The following PLPPR5 variants were observed in gnomAD, a reference collection of about 807,000 sequenced individuals.
The protein encoded by PLPPR5 is phospholipid phosphatase related 5.
A neutral mutation model predicts 33.9 loss-of-function variants in PLPPR5; 16 were observed. The observed-to-expected ratio is 0.47, with a 90% CI of 0.32 to 0.72. PLPPR5 has a LOEUF of 0.72. Among genes scored for constraint, PLPPR5 ranks in the 30% least tolerant of loss-of-function variants. The probability of loss-of-function intolerance (pLI) is 0.03; values close to 1 mark genes in which losing one functional copy is unlikely to be tolerated. For synonymous variants in PLPPR5, 163 were observed against 150.3 expected (o/e 1.08, Z -0.62); for missense variants, 301 against 406.7 (o/e 0.74, Z 2.23).
chr1:98,954,968 G>GT (rs5776445), intron 2 of PLPPR5, among the ~76,000 whole-genome samples: 108,397 of 151,898 alleles, frequency 0.71, 39,865 homozygotes, highest in East Asian at 0.95. Context: ...TCCCAAATGT[G>GT]TTTGGAATTA....
chr1:98,989,844 T>C (rs550238472), intron 1 of PLPPR5, among the ~76,000 whole-genome samples: 4 of 152,180 alleles, frequency 2.6e-5, no homozygotes, highest in Non-Finnish European at 5.9e-5. Flanking sequence ...CTTTTATGTC[T>C]ATATAACCAG....
intron 3 of PLPPR5, among the ~76,000 whole-genome samples, chr1:98,930,761 T>C (rs1253229795): frequency 6.6e-6 from 1 of 152,142 alleles, no homozygotes; most frequent in East Asian, 1.9e-4. Context: ...GGGAGAAATT[T>C]TCCAGGTTGG....
At chr1:98,992,124 T>C (rs1308338420) in intron 1 of PLPPR5, among the ~76,000 whole-genome samples, 2 of 152,164 alleles carry the variant, frequency 1.3e-5, no homozygotes, top group African/African-American at 2.4e-5. Flanking sequence ...AGAGATAGTA[T>C]TGGAGCTGTC....
At chr1:98,987,361 A>T (rs916825808) in intron 1 of PLPPR5, among the ~76,000 whole-genome samples, 4 of 151,986 alleles carry the variant, frequency 2.6e-5, no homozygotes, top group African/African-American at 9.6e-5. Context: ...TATATTACTA[A>T]TGAGTGTCCT....
At chr1:98,986,165 T>C (rs1652257027) in intron 1 of PLPPR5, among the ~76,000 whole-genome samples, 1 of 151,994 alleles carries the variant, frequency 6.6e-6, no homozygotes, top group African/African-American at 2.4e-5. Context: ...GAGTCATTTC[T>C]AAGTTAGCTA....
intron 5 of PLPPR5, among the ~76,000 whole-genome samples, chr1:98,896,698 T>C (rs1008159467): frequency 6.6e-6 from 1 of 152,096 alleles, no homozygotes; most frequent in South Asian, 2.1e-4. Context: ...CAAACACGTT[T>C]CTGGGAAGTT....
At chr1:98,948,651 C>A (rs1053729270) in intron 3 of PLPPR5, among the ~76,000 whole-genome samples, 6 of 152,126 alleles carry the variant, frequency 3.9e-5, no homozygotes, top group African/African-American at 1.4e-4. Flanking sequence ...TGGGTCATTA[C>A]CCTATTGGAA....
At chr1:98,968,137 T>C (rs2101241814) in intron 1 of PLPPR5, among the ~76,000 whole-genome samples, 1 of 152,286 alleles carries the variant, frequency 6.6e-6, no homozygotes, top group Middle Eastern at 3.4e-3. Flanking sequence ...ATGATGTTTA[T>C]GCTTTGCCAA....
intron 4 of PLPPR5, among the ~76,000 whole-genome samples, chr1:98,918,929 T>C (rs897703186): frequency 2.0e-5 from 3 of 152,214 alleles, no homozygotes; most frequent in East Asian, 1.9e-4. Flanking sequence ...ATTGGGGATA[T>C]GCTGTGAACA....
chr1:98,899,794 C>T (rs543643664), intron 5 of PLPPR5, among the ~76,000 whole-genome samples: 10 of 151,666 alleles, frequency 6.6e-5, no homozygotes, highest in Admixed American at 2.6e-4. Context: ...GAGTAACTGG[C>T]GTTACAGGTA....
chr1:98,943,117 A>G (rs548017310), intron 3 of PLPPR5, among the ~76,000 whole-genome samples: 4 of 152,318 alleles, frequency 2.6e-5, no homozygotes, highest in African/African-American at 9.6e-5. Context: ...TAGGGGCAAA[A>G]TAGACGGGGA....
In PLPPR5 at chr1:98,969,938, G is replaced by T. The variant is rs983602862; in HGVS notation, c.238-13197C>A. On this transcript the variant is annotated intron_variant, in intron 1 of 5. Coordinates refer to ENST00000263177, the MANE Select transcript of PLPPR5 (RefSeq NM_001037317.2). ...CCTTTTCAAGAAAATAGGCTTTTGA[G>T]GTGACAGCTCTGCCTAAGAAAGCAG... 3.3e-5 allele frequency among the ~76,000 whole-genome samples: 5 copies of T among 152,034 alleles called. No individual in the cohort carries two copies. In the South Asian group the frequency reaches 1.0e-3, roughly 32 times the overall value.
At chr1:98,907,224 T>C (rs1648938154) in intron 5 of PLPPR5, among the ~76,000 whole-genome samples, 2 of 138,434 alleles carry the variant, frequency 1.4e-5, no homozygotes, top group Admixed American at 1.5e-4. Flanking sequence ...TTTTTTCTGA[T>C]GAAGTCTCAC....
At chr1:98,998,596 C>T (rs10489926) in intron 1 of PLPPR5, among the ~76,000 whole-genome samples, 13,834 of 152,116 alleles carry the variant, frequency 0.091, 699 homozygotes, top group Middle Eastern at 0.1. Flanking sequence ...ACTCCTGGTA[C>T]TGAATCACTA....
intron 3 of PLPPR5, among the ~76,000 whole-genome samples, chr1:98,948,567 C>T (rs571366381): frequency 1.3e-5 from 2 of 152,280 alleles, no homozygotes; most frequent in African/African-American, 4.8e-5. Flanking sequence ...CTTGTGATTT[C>T]TCTGGACAAT....
At chr1:99,003,150 G>T (rs1289483472) in intron 1 of PLPPR5, among the ~76,000 whole-genome samples, 1 of 138,396 alleles carries the variant, frequency 7.2e-6, no homozygotes, top group Admixed American at 7.5e-5. Context: ...TATGACAGAG[G>T]CAATTTGAAG....
At chr1:98,946,742 C>G (rs1206136508) in intron 3 of PLPPR5, among the ~76,000 whole-genome samples, 2 of 152,070 alleles carry the variant, frequency 1.3e-5, no homozygotes, top group African/African-American at 4.8e-5. Flanking sequence ...TTTATTAGAC[C>G]CCCTACTCAG....
At chr1:98,911,396 G>T (rs950178115) in intron 5 of PLPPR5, among the ~76,000 whole-genome samples, 3 of 152,094 alleles carry the variant, frequency 2.0e-5, no homozygotes, top group Non-Finnish European at 2.9e-5. Flanking sequence ...AACCTAATAT[G>T]TACATGAATA....
intron 1 of PLPPR5, among the ~76,000 whole-genome samples, chr1:98,986,286 G>GA (rs1271132546): frequency 6.6e-6 from 1 of 151,658 alleles, no homozygotes; most frequent in Admixed American, 6.6e-5. Context: ...TAGTAAACAT[G>GA]AAAAAATTGT....
Sources: gnomAD v4.1 joint callset for allele counts (sites outside exome capture counted in the v4.1 genomes callset) on GRCh38, gnomAD v4.1.1 for gene constraint, MANE v1.5 for transcripts, NCBI Gene and HGNC (gene_info 2026-07-23, HGNC 2026-07-21) for gene names.